PALS1: variants seen among roughly 807,000 people sequenced by gnomAD.
PALS1 encodes the protein protein PALS1.
Under a neutral mutation model 78.9 loss-of-function variants are expected in PALS1, and 31 were observed. That is an observed-to-expected ratio of 0.39 (90% confidence interval 0.30 to 0.53). PALS1 has a LOEUF of 0.53. PALS1 is among the 20% of genes least tolerant of loss of function. PALS1 has a pLI of 0.67. For synonymous variants in PALS1, 276 were observed against 270.9 expected (o/e 1.02, Z -0.18); for missense variants, 704 against 826.5 (o/e 0.85, Z 1.82).
intron 1 of PALS1, among the ~76,000 whole-genome samples, chr14:67,257,760 G>A (rs1027126375): frequency 6.6e-6 from 1 of 152,244 alleles, no homozygotes; most frequent in East Asian, 1.9e-4. Flanking sequence ...TGTTCTCTAT[G>A]CAGAACTCAG....
chr14:67,295,223 G>T (rs767152318), intron 4 of PALS1, among the ~76,000 whole-genome samples: 1 of 151,590 alleles, frequency 6.6e-6, no homozygotes, highest in Non-Finnish European at 1.5e-5. Flanking sequence ...GGAGGCTCAC[G>T]CCTGTAATCC....
At chr14:67,290,458 A>G (rs925142882) in intron 3 of PALS1, among the ~76,000 whole-genome samples, 5 of 152,228 alleles carry the variant, frequency 3.3e-5, no homozygotes, top group East Asian at 1.9e-4. Flanking sequence ...GCTAGAGTGC[A>G]GTAGCGTGAT....
intron 3 of PALS1, among the ~76,000 whole-genome samples, chr14:67,287,529 C>A (rs1171300050): frequency 6.6e-6 from 1 of 151,920 alleles, no homozygotes; most frequent in Non-Finnish European, 1.5e-5. Flanking sequence ...ATACCAGATC[C>A]CAAAAATTAA....
At chr14:67,291,587 A>G (rs1012256183) in intron 3 of PALS1, among the ~76,000 whole-genome samples, 1 of 152,178 alleles carries the variant, frequency 6.6e-6, no homozygotes, top group Non-Finnish European at 1.5e-5. Flanking sequence ...CCAGCCTACC[A>G]GTGCTTCTTA....
At chr14:67,294,200 T>C (rs1242145124) in intron 4 of PALS1, among the ~76,000 whole-genome samples, 1 of 152,190 alleles carries the variant, frequency 6.6e-6, no homozygotes, top group Non-Finnish European at 1.5e-5. Context: ...AAGTTTGCTT[T>C]CACGTCCTTA....
chr14:67,276,003 T>G (rs139337137), intron 2 of PALS1, among the ~76,000 whole-genome samples: 62 of 152,304 alleles, frequency 4.1e-4, no homozygotes, highest in African/African-American at 1.3e-3. Context: ...TATTTGATTC[T>G]TCTCTCTTTT....
rs2085491558 is a variant in PALS1, at chr14:67,334,067, T to C, written c.*1111T>C. 2 of 152,540 alleles carry C rather than the reference T, an allele frequency of 1.3e-5. No individual in the cohort carries two copies. The highest frequency in any genetic ancestry group is 2.9e-5 in the Non-Finnish European group (2 of 68,026). The allele number at this position is 152,540 out of a possible 1,614,324, so 9.4% of individuals were successfully genotyped here. On this transcript the variant is annotated 3_prime_UTR_variant, in exon 15 of 15. Coordinates refer to ENST00000261681, the MANE Select transcript of PALS1 (RefSeq NM_022474.4). ...AAATTATATATGTCCTTGGGAAATA[T>C]TATGACAGTTGACTTTAAGATCAAA...
At chr14:67,327,533 A>C (rs2085377287) in intron 14 of PALS1, among the ~76,000 whole-genome samples, 1 of 151,482 alleles carries the variant, frequency 6.6e-6, no homozygotes, top group Non-Finnish European at 1.5e-5. Flanking sequence ...GTACATGTGC[A>C]CAACATGCAG....
intron 1 of PALS1, among the ~76,000 whole-genome samples, chr14:67,263,803 ACTTCTACT>A (rs1421648812): frequency 2.0e-4 from 30 of 152,222 alleles, no homozygotes; most frequent in South Asian, 1.0e-3. Flanking sequence ...TGCTGCTTTT[ACTTCTACT>A]GTGACCTCCT....
chr14:67,332,951 A>G lies in PALS1; in HGVS notation c.2023A>G (p.Arg675Gly). Residue 675 changes from arginine (R) to glycine (G), a missense_variant, in exon 15 of 15, where the codon AGG (arginine) becomes GGG (glycine). Coordinates refer to ENST00000261681, the MANE Select transcript of PALS1 (RefSeq NM_022474.4). ...EPQWVPSTWL[R>G] The stretch of plus-strand genomic sequence containing the variant: ...TCAGTGGGTACCATCCACTTGGCTG[A>G]GGTGAAAGAAACATCCATTCTGTGG... 1 of 1,602,890 alleles carries G rather than the reference A, an allele frequency of 6.2e-7. No homozygotes were observed. Among genetic ancestry groups the G allele is most frequent in the Non-Finnish European group, 8.5e-7 (1 of 1,171,336 alleles).
chr14:67,292,912 C>T (rs2084796936), intron 4 of PALS1, among the ~76,000 whole-genome samples, 193 bp downstream of exon 4: 1 of 152,056 alleles, frequency 6.6e-6, no homozygotes, highest in Non-Finnish European at 1.5e-5. Flanking sequence ...ACTTCAGAGT[C>T]AGAACACTGT....
chr14:67,255,939 G>A (rs6573764), intron 1 of PALS1, among the ~76,000 whole-genome samples: 23,536 of 152,182 alleles, frequency 0.15, 3,439 homozygotes, highest in East Asian at 0.42. Flanking sequence ...CACATGCTTT[G>A]GCCTCCCAAA....
chr14:67,281,197 C>T (rs915179684), intron 3 of PALS1, among the ~76,000 whole-genome samples: 5 of 152,000 alleles, frequency 3.3e-5, no homozygotes, highest in Admixed American at 6.6e-5. Flanking sequence ...GTGCCCGTCT[C>T]AAGTCTGGAG....
At position 67,332,771 on chromosome 14, in the gene PALS1, T is replaced by C; in HGVS notation, c.1852-9T>C. ...GAATTATCTCACAGTTTTTATCTTC[T>C]GTTTGCAGCCTGAAGAGTTGAGAGA... On this transcript the variant is annotated splice_polypyrimidine_tract_variant and intron_variant, in intron 14 of 14. Coordinates refer to ENST00000261681, the MANE Select transcript of PALS1 (RefSeq NM_022474.4). 6.2e-7 allele frequency: 1 copy of C among 1,600,408 alleles called. No homozygotes were observed. The highest frequency in any genetic ancestry group is 2.2e-5 in the East Asian group (1 of 44,474).
chr14:67,310,042 G>A (rs1595605705), intron 8 of PALS1, among the ~76,000 whole-genome samples: 1 of 132,010 alleles, frequency 7.6e-6, no homozygotes, highest in African/African-American at 3.3e-5. Context: ...AAGTATTATT[G>A]ATAGGATGGT....
intron 1 of PALS1, among the ~76,000 whole-genome samples, chr14:67,264,412 G>C (rs1325072122): frequency 6.6e-6 from 1 of 151,882 alleles, no homozygotes; most frequent in Non-Finnish European, 1.5e-5. Context: ...TTTGTTGCCT[G>C]TGCTTTTGGG....
chr14:67,299,148 T>C (rs1169423695), intron 4 of PALS1, among the ~76,000 whole-genome samples: 1 of 152,250 alleles, frequency 6.6e-6, no homozygotes, highest in African/African-American at 2.4e-5. Context: ...ATGTACATAG[T>C]GACTAATGAT....
In PALS1 at chr14:67,279,002, C is replaced by G; in HGVS notation, c.-153-16C>G. 1 of 596,240 alleles carries G rather than the reference C, an allele frequency of 1.7e-6. No homozygotes were observed. Among genetic ancestry groups the G allele is most frequent in the East Asian group, 3.2e-5 (1 of 31,276 alleles). The allele number at this position is 596,240 out of a possible 1,614,324, so 36.9% of individuals were successfully genotyped here. A position where few individuals can be genotyped will look rare whatever the true frequency, so the allele number is the denominator to read the frequency against. On this transcript the variant is annotated splice_polypyrimidine_tract_variant and intron_variant, in intron 2 of 14. Coordinates refer to ENST00000261681, the MANE Select transcript of PALS1 (RefSeq NM_022474.4). Reference sequence around the variant, plus strand: ...TGTAATTCTTACACTTTTTTCCCCCCCATCTTTCCCCTTAGATTTCCTTCA... The same window carrying G: ...TGTAATTCTTACACTTTTTTCCCCCGCATCTTTCCCCTTAGATTTCCTTCA...
At chr14:67,244,461 T>C (rs1047650023) in intron 1 of PALS1, among the ~76,000 whole-genome samples, 1 of 152,242 alleles carries the variant, frequency 6.6e-6, no homozygotes, top group Non-Finnish European at 1.5e-5. Context: ...AGAAATGATA[T>C]AATTGCTTCT....
Sources: gnomAD v4.1 joint callset for allele counts (sites outside exome capture counted in the v4.1 genomes callset) on GRCh38, gnomAD v4.1.1 for gene constraint, MANE v1.5 for transcripts, NCBI Gene and HGNC (gene_info 2026-07-23, HGNC 2026-07-21) for gene names.